The following NT5DC1 variants were observed in gnomAD, a reference collection of about 807,000 sequenced individuals.
NT5DC1 encodes 5'-nucleotidase domain-containing protein 1.
In NT5DC1, 42 loss-of-function variants were observed where a neutral mutation model predicts 59.4. The observed-to-expected ratio is 0.71, with a 90% CI of 0.55 to 0.92. NT5DC1 has a LOEUF of 0.92. Ranked by LOEUF, NT5DC1 falls within the 40% of genes least tolerant of loss-of-function variation. The pLI, the probability that NT5DC1 is intolerant of heterozygous loss-of-function variation, is 0.00. For synonymous variants in NT5DC1, 172 were observed against 188.1 expected, an observed-to-expected ratio of 0.91 and a Z score of 0.70; for missense variants, 501 against 537.1, an observed-to-expected ratio of 0.93 and a Z score of 0.66.
intron 6 of NT5DC1, among the ~76,000 whole-genome samples, chr6:116,182,336 C>T (rs1780902240): frequency 6.6e-6 from 1 of 151,574 alleles, no homozygotes; most frequent in Admixed American, 6.6e-5. Flanking sequence ...GCAAATTGTG[C>T]TGCTATAAAT....
rs1490804745 is a variant in NT5DC1 at position 116,120,606 on chromosome 6, GCT to G, written c.529+2665_529+2666del. 2.1e-5 allele frequency: 33 copies of G among 1,576,292 alleles called. No individual in the cohort carries two copies. The highest frequency in any genetic ancestry group is 2.7e-5 in the Non-Finnish European group (32 of 1,165,962). ...GGCCCAGGGGGCCCTGGAAGACCAG[GCT>G]CTCCAGAGTGGCCTCTTGGACCTGG... On this transcript the variant is annotated intron_variant, in intron 6 of 11. Coordinates refer to ENST00000319550, the MANE Select transcript of NT5DC1 (RefSeq NM_152729.3).
chr6:116,107,765 G>C (rs1778794359), intron 2 of NT5DC1, among the ~76,000 whole-genome samples: 2 of 151,800 alleles, frequency 1.3e-5, no homozygotes, highest in South Asian at 4.2e-4. Flanking sequence ...ATAGAGATGG[G>C]GTTTCACCGT....
At chr6:116,157,260 A>T (rs191168290) in intron 6 of NT5DC1, among the ~76,000 whole-genome samples, 100 of 152,288 alleles carry the variant, frequency 6.6e-4, no homozygotes, top group Non-Finnish European at 1.2e-3. Context: ...AGTTAATTAC[A>T]GTGCTCTGAG....
At chr6:116,201,980 GCTGACCAA>G (rs1166519754) in intron 6 of NT5DC1, among the ~76,000 whole-genome samples, 1 of 152,024 alleles carries the variant, frequency 6.6e-6, no homozygotes, top group Non-Finnish European at 1.5e-5. Flanking sequence ...CTGGAGGAGT[GCTGACCAA>G]TAGAACTTCC....
chr6:116,241,009 T>C (rs1771703313), intron 11 of NT5DC1, among the ~76,000 whole-genome samples: 1 of 151,994 alleles, frequency 6.6e-6, no homozygotes, highest in Non-Finnish European at 1.5e-5. Context: ...CCGGGTGTGG[T>C]AGCAGGTGCC....
At chr6:116,106,160 A>C in intron 1 of NT5DC1, 84 bp from the exon 2 acceptor site, 1 of 784,596 alleles carries the variant, frequency 1.3e-6, no homozygotes, top group African/African-American at 1.7e-5. Context: ...CCCATCAGCA[A>C]TTCCATTAGG....
chr6:116,167,823 A>G (rs1293415926), intron 6 of NT5DC1, among the ~76,000 whole-genome samples: 1 of 152,160 alleles, frequency 6.6e-6, no homozygotes, highest in Non-Finnish European at 1.5e-5. Flanking sequence ...GAAGTGTAAC[A>G]TTAGAGCTAA....
In NT5DC1 at chr6:116,237,068, G is replaced by T; in HGVS notation, c.905G>T (p.Gly302Val). The T allele has an allele frequency of 6.2e-7, 1 of 1,606,840 alleles. No homozygotes were observed. The highest frequency in any genetic ancestry group is 8.5e-7 in the Non-Finnish European group (1 of 1,173,442). ...TATGAACTTCTGAAGAAAATGACTG[G>T]CAAACCTGAACCCAAGGTATTTCCC... ...HLYELLKKMT[G>V]KPEPKVVYFG... The change falls in exon 9 of 12, where the codon GGC (glycine) becomes GTC (valine). Residue 302 changes from glycine to valine, a missense_variant. By Grantham distance (109) the Gly-to-Val change is moderately radical. Coordinates refer to ENST00000319550, the MANE Select transcript of NT5DC1 (RefSeq NM_152729.3).
At chr6:116,140,840 T>C (rs540809912) in intron 6 of NT5DC1, among the ~76,000 whole-genome samples, 1 of 152,290 alleles carries the variant, frequency 6.6e-6, no homozygotes, top group East Asian at 1.9e-4. Context: ...CACTGCTCTG[T>C]AGTTTACAAT....
intron 6 of NT5DC1, among the ~76,000 whole-genome samples, chr6:116,135,745 C>T (rs1010329973): frequency 4.0e-5 from 6 of 149,586 alleles, no homozygotes; most frequent in African/African-American, 1.5e-4. Context: ...TTCACAAATA[C>T]TCAGCTTAAA....
intron 3 of NT5DC1, among the ~76,000 whole-genome samples, chr6:116,109,367 C>G (rs1350907713): frequency 6.6e-6 from 1 of 152,206 alleles, no homozygotes; most frequent in African/African-American, 2.4e-5. Flanking sequence ...GTTTATTTCT[C>G]AGGCATTGAG....
chr6:116,213,928 A>G (rs902527549), intron 6 of NT5DC1, among the ~76,000 whole-genome samples: 52 of 152,112 alleles, frequency 3.4e-4, no homozygotes, highest in African/African-American at 1.2e-3. Flanking sequence ...TTTTTAAGAG[A>G]TGGGATATCT....
At chr6:116,238,680 T>C (rs1782171101) in intron 10 of NT5DC1, among the ~76,000 whole-genome samples, 2 of 152,098 alleles carry the variant, frequency 1.3e-5, no homozygotes, top group Non-Finnish European at 2.9e-5. Flanking sequence ...ATTTTTATTA[T>C]AGGGAAAAAA....
chr6:116,156,826 C>A (rs141054797), intron 6 of NT5DC1, among the ~76,000 whole-genome samples: 1 of 150,646 alleles, frequency 6.6e-6, no homozygotes, highest in Non-Finnish European at 1.5e-5. Context: ...TTGTGCTTCA[C>A]GTCCTCTCCC....
intron 6 of NT5DC1, among the ~76,000 whole-genome samples, chr6:116,161,314 A>C (rs1582844082): frequency 6.6e-6 from 1 of 152,076 alleles, no homozygotes; most frequent in Non-Finnish European, 1.5e-5. Context: ...CACATTGTGC[A>C]CATGTACCCT....
chr6:116,199,870 C>G (rs1205409193), intron 6 of NT5DC1, among the ~76,000 whole-genome samples: 1 of 151,950 alleles, frequency 6.6e-6, no homozygotes, highest in Non-Finnish European at 1.5e-5. Flanking sequence ...AGAGACTAAT[C>G]TACCACACAA....
intron 6 of NT5DC1, among the ~76,000 whole-genome samples, chr6:116,191,679 AAG>A (rs1327625314): frequency 2.0e-5 from 3 of 152,074 alleles, no homozygotes; most frequent in Non-Finnish European, 4.4e-5. Flanking sequence ...CATTGCTAAA[AAG>A]AGTCAATAAC....
chr6:116,110,727 A>C, intron 3 of NT5DC1, 123 bp from the exon 4 acceptor site: 2 of 782,284 alleles, frequency 2.6e-6, no homozygotes. Context: ...CCCAGTTGAA[A>C]ACAGAAAAAA....
At chr6:116,201,184 G>A (rs967549655) in intron 6 of NT5DC1, among the ~76,000 whole-genome samples, 2 of 151,914 alleles carry the variant, frequency 1.3e-5, no homozygotes, top group Non-Finnish European at 2.9e-5. Context: ...AAATCTTGGA[G>A]GGACAATACA....
Sources: allele counts gnomAD v4.1 joint callset (sites outside exome capture counted in the v4.1 genomes callset), GRCh38; gene constraint gnomAD v4.1.1; transcripts MANE v1.5; gene names NCBI Gene and HGNC (gene_info 2026-07-23, HGNC 2026-07-21).